Variants in ERICH6B observed in about 807,000 individuals in gnomAD.
The protein encoded by ERICH6B is glutamate rich 6B.
ERICH6B carries 69 observed loss-of-function variants against 80.0 expected under a neutral mutation model. The ratio of observed to expected loss-of-function variants is 0.86; its 90% CI spans 0.71 to 1.05. The LOEUF is 1.05. Ranked by LOEUF, ERICH6B falls within the 50% of genes least tolerant of loss-of-function variation. The pLI is 0.00. For missense variants in ERICH6B, 754 were observed against 796.1 expected, an observed-to-expected ratio of 0.95 and a Z score of 0.64; for synonymous variants, 283 against 291.9, an observed-to-expected ratio of 0.97 and a Z score of 0.31.
At chr13:45,561,309 C>T (rs1874663408) in intron 11 of ERICH6B, 60 bp downstream of exon 11, 5 of 1,520,438 alleles carry the variant, frequency 3.3e-6, no homozygotes, top group Non-Finnish European at 4.4e-6. Flanking sequence ...ATGCACACCT[C>T]ACCAGAGCCA....
In ERICH6B at chr13:45,566,740, C is replaced by T. The variant is rs1593783455; in HGVS notation, c.1187+1575G>A. Among the ~76,000 whole-genome samples the T allele has an allele frequency of 1.3e-5, 2 of 152,352 alleles. 1 individual carries two copies. Among genetic ancestry groups the T allele is most frequent in the Admixed American group, 1.3e-4 (2 of 15,310 alleles). ...TAGGGGCGGGGTCCTCATGGAGAAT[C>T]TCTGCTAGTGCAGTGTGGATGGGAA... On this transcript the variant is annotated intron_variant, in intron 9 of 14. Coordinates refer to ENST00000298738, the MANE Select transcript of ERICH6B (RefSeq NM_182542.3).
intron 2 of ERICH6B, among the ~76,000 whole-genome samples, chr13:45,602,636 C>T (rs182053779): frequency 1.1e-4 from 16 of 152,290 alleles, no homozygotes; most frequent in Admixed American, 2.6e-4. Context: ...GTCTAACAGA[C>T]GTCTCAAACT....
At chr13:45,573,107 A>G (rs1384021115) in intron 8 of ERICH6B, among the ~76,000 whole-genome samples, 1 of 151,898 alleles carries the variant, frequency 6.6e-6, no homozygotes, top group East Asian at 1.9e-4. Context: ...CTTTACATAC[A>G]CTTGCATTTG....
chr13:45,567,069 A>T (rs1371387048), intron 9 of ERICH6B, among the ~76,000 whole-genome samples: 1 of 152,204 alleles, frequency 6.6e-6, no homozygotes, highest in Non-Finnish European at 1.5e-5. Context: ...GGGTTTAATG[A>T]CTGTCCTATT....
At chr13:45,589,277 T>C (rs1325181457) in intron 4 of ERICH6B, among the ~76,000 whole-genome samples, 1 of 152,026 alleles carries the variant, frequency 6.6e-6, no homozygotes, top group African/African-American at 2.4e-5. Flanking sequence ...GCCTCTCTGA[T>C]CCTCACAGCT....
At chr13:45,570,882 T>G (rs1450651654) in intron 8 of ERICH6B, among the ~76,000 whole-genome samples, 1 of 135,114 alleles carries the variant, frequency 7.4e-6, no homozygotes, top group Admixed American at 7.4e-5. Flanking sequence ...AGGTTCCATA[T>G]GGCATTCACT....
intron 2 of ERICH6B, among the ~76,000 whole-genome samples, chr13:45,606,934 G>A (rs992814268): frequency 1.1e-4 from 16 of 151,994 alleles, no homozygotes; most frequent in South Asian, 2.1e-4. Context: ...TAGAAGATCC[G>A]TAGGTTCCTT....
At position 45,558,083 on chromosome 13, in the gene ERICH6B, T is replaced by A. The variant is rs150602311; in HGVS notation, c.1407+3286A>T. ...TCCATGAGCATGGGATGTGTTTCCA[T>A]TTGTTTGTGTTGTCTATCATTTCTT... is the stretch of plus-strand genomic sequence containing the variant. On this transcript the variant is annotated intron_variant, in intron 11 of 14. Coordinates refer to ENST00000298738, the MANE Select transcript of ERICH6B (RefSeq NM_182542.3). Among the ~76,000 whole-genome samples the A allele has an allele frequency of 2.1e-4, 32 of 152,316 alleles. No individual in the cohort carries two copies. The East Asian group carries it at 5.8e-3, about 27-fold the overall frequency.
intron 5 of ERICH6B, among the ~76,000 whole-genome samples, chr13:45,581,693 G>A (rs1875678918): frequency 6.6e-6 from 1 of 152,190 alleles, no homozygotes; most frequent in Non-Finnish European, 1.5e-5. Flanking sequence ...ATTCTTAATA[G>A]CAGGGACTAA....
At position 45,572,751 on chromosome 13, in the gene ERICH6B, A is replaced by G. The variant is rs553871963; in HGVS notation, c.1050+2091T>C. On this transcript the variant is annotated intron_variant, in intron 8 of 14. Transcript: ENST00000298738. ...AATTAAGGTCTTTCATATATTAAAAACCCTCACAAATCAGAAAGAAAGAGA... is the reference window on the plus strand; with the variant it reads ...AATTAAGGTCTTTCATATATTAAAAGCCCTCACAAATCAGAAAGAAAGAGA... 1.4e-4 allele frequency among the ~76,000 whole-genome samples: 21 copies of G among 152,346 alleles called. 1 individual carries two copies. The South Asian group carries it at 4.3e-3, about 32-fold the overall frequency.
intron 8 of ERICH6B, among the ~76,000 whole-genome samples, chr13:45,574,300 AC>A (rs1875290553): frequency 1.3e-5 from 2 of 152,166 alleles, no homozygotes; most frequent in African/African-American, 4.8e-5. Context: ...CCACTAGTCT[AC>A]CCCCATAGGC....
At chr13:45,547,370 G>C (rs140641370) in intron 13 of ERICH6B, among the ~76,000 whole-genome samples, 6 of 152,242 alleles carry the variant, frequency 3.9e-5, no homozygotes, top group Non-Finnish European at 5.9e-5. Flanking sequence ...CAGGCTGGTG[G>C]GTTCTCAATT....
chr13:45,606,883 C>T (rs2138037202), intron 2 of ERICH6B, among the ~76,000 whole-genome samples: 2 of 152,028 alleles, frequency 1.3e-5, no homozygotes, highest in South Asian at 4.2e-4. Context: ...AACATGTTTG[C>T]TGCTTCTGCC....
intron 5 of ERICH6B, among the ~76,000 whole-genome samples, chr13:45,580,888 C>T (rs1455258262): frequency 2.6e-5 from 4 of 152,082 alleles, no homozygotes; most frequent in African/African-American, 9.7e-5. Flanking sequence ...ATAAATTAGT[C>T]GTCAGAAAAT....
At position 45,596,496 on chromosome 13, in the gene ERICH6B, C is replaced by T; in HGVS notation, c.510G>A (p.Leu170=). ...KKAYLEEEEY[L]GKKSYLEEEK... ...CCTCTTCTAGATATGATTTCTTCCC[C>T]AGATACTCCTCCTCCTCCAGATACG... Residue 170 remains leucine, a synonymous_variant, in exon 3 of 15, where the codon CTG becomes CTA. Coordinates refer to ENST00000298738, the MANE Select transcript of ERICH6B (RefSeq NM_182542.3). 4 of 1,551,384 alleles carry T rather than the reference C, an allele frequency of 2.6e-6. No homozygotes were observed. Among genetic ancestry groups the T allele is most frequent in the Non-Finnish European group, 3.5e-6 (4 of 1,146,362 alleles).
At chr13:45,575,854 C>G (rs369587493) in intron 7 of ERICH6B, among the ~76,000 whole-genome samples, 2 of 152,100 alleles carry the variant, frequency 1.3e-5, no homozygotes, top group African/African-American at 4.8e-5. Flanking sequence ...CTTCCATACT[C>G]CTGGGAAGGT....
At position 45,592,752 on chromosome 13, in the gene ERICH6B, C is replaced by G. The variant is rs192944639; in HGVS notation, c.638-2055G>C. ...GGGTGGTTTCACTCTACAGCATGTT[C>G]TGTGGCAGCAGGAGAGCAATGTAGC... On this transcript the variant is annotated intron_variant, in intron 3 of 14. Coordinates refer to ENST00000298738, the MANE Select transcript of ERICH6B (RefSeq NM_182542.3). Among the ~76,000 whole-genome samples, 380 of 152,314 alleles carry G rather than the reference C, an allele frequency of 2.5e-3. 4 individuals are homozygous for G. The highest frequency in any genetic ancestry group is 1.1e-3 in the Non-Finnish European group (72 of 68,030).
chr13:45,543,388 C>T (rs979571122), intron 14 of ERICH6B, among the ~76,000 whole-genome samples: 11 of 152,142 alleles, frequency 7.2e-5, no homozygotes, highest in African/African-American at 1.7e-4. Flanking sequence ...TATTTGGAAA[C>T]GGGGTCTCTG....
chr13:45,569,440 T>C lies in ERICH6B; in HGVS notation c.1051-989A>G, dbSNP rs935539279. 1.4e-4 allele frequency among the ~76,000 whole-genome samples: 21 copies of C among 152,316 alleles called. No individual in the cohort carries two copies. In the Middle Eastern group the frequency reaches 0.01, roughly 74 times the overall value. On this transcript the variant is annotated intron_variant, in intron 8 of 14. Coordinates refer to ENST00000298738, the MANE Select transcript of ERICH6B (RefSeq NM_182542.3). ...AGCACTCGTCCACAAGCTGCCTTTTTATTTGGCCAGTTTGATCATTCTTTT... is the reference window on the plus strand; with the variant it reads ...AGCACTCGTCCACAAGCTGCCTTTTCATTTGGCCAGTTTGATCATTCTTTT...
Sources: gnomAD v4.1 joint callset for allele counts (sites outside exome capture counted in the v4.1 genomes callset) on GRCh38, gnomAD v4.1.1 for gene constraint, MANE v1.5 for transcripts, NCBI Gene and HGNC (gene_info 2026-07-23, HGNC 2026-07-21) for gene names.